PDZRN3: variants seen among roughly 807,000 people sequenced by gnomAD.
PDZRN3 encodes the protein PDZ domain containing ring finger 3.
A neutral mutation model predicts 85.7 loss-of-function variants in PDZRN3; 38 were observed. The ratio of observed to expected loss-of-function variants is 0.44; its 90% CI spans 0.34 to 0.58. The LOEUF (loss-of-function observed/expected upper bound fraction) is 0.58. Among genes scored for constraint, PDZRN3 ranks in the 20% least tolerant of loss-of-function variants. The probability of loss-of-function intolerance (pLI) is 0.01; values close to 1 mark genes in which losing one functional copy is unlikely to be tolerated. For missense variants in PDZRN3, 1,629 were observed against 1,506.4 expected (o/e 1.08, Z -1.35); for synonymous variants, 759 against 638.0 (o/e 1.19, Z -2.86).
At chr3:73,584,104 C>T (rs1217732207) in intron 3 of PDZRN3, among the ~76,000 whole-genome samples, 2 of 151,428 alleles carry the variant, frequency 1.3e-5, no homozygotes, top group African/African-American at 2.4e-5. Flanking sequence ...AGGACATTCC[C>T]TCTGTCTAGT....
At chr3:73,588,244 C>G (rs1164692540) in intron 3 of PDZRN3, among the ~76,000 whole-genome samples, 1 of 152,172 alleles carries the variant, frequency 6.6e-6, no homozygotes, top group African/African-American at 2.4e-5. Flanking sequence ...TCATCCACGT[C>G]CCTGCAAAGG....
intron 3 of PDZRN3, among the ~76,000 whole-genome samples, chr3:73,529,970 C>A (rs558502134): frequency 6.6e-6 from 1 of 152,158 alleles, no homozygotes. Context: ...AGAACAGTAC[C>A]GGGCAAGTGT....
At chr3:73,493,728 C>T (rs1381102217) in intron 3 of PDZRN3, among the ~76,000 whole-genome samples, 1 of 152,168 alleles carries the variant, frequency 6.6e-6, no homozygotes, top group Non-Finnish European at 1.5e-5. Flanking sequence ...GTGCCTCAGG[C>T]CTGGCTAGTC....
chr3:73,610,214 C>G (rs1430015709), intron 1 of PDZRN3, among the ~76,000 whole-genome samples: 2 of 152,154 alleles, frequency 1.3e-5, no homozygotes, highest in East Asian at 3.8e-4. Flanking sequence ...AAGGACAACA[C>G]AGCATTCATT....
chr3:73,617,825 C>A (rs566866887), intron 1 of PDZRN3, among the ~76,000 whole-genome samples: 25 of 152,292 alleles, frequency 1.6e-4, no homozygotes, highest in Admixed American at 1.6e-3. Context: ...CCTGCCTCAG[C>A]CTCCCCAGTA....
Position 73,384,744 on chromosome 3 carries a change from A to G in PDZRN3, c.1822T>C (p.Cys608Arg). The change falls in exon 10 of 10, where the codon TGC (cysteine) becomes CGC (arginine). Residue 608 changes from cysteine (C) to arginine (R), a missense_variant. Physicochemically the swap from Cys to Arg is radical, Grantham distance 180. Transcript: ENST00000263666. ...NPLAGQRKLT[C>R]SQDTLGSGDL... Reference sequence around the variant, plus strand: ...CCGCTGCCCAAGGTGTCCTGGCTGCAGGTGAGCTTCCTCTGCCCCGCCAGC... The same window carrying G: ...CCGCTGCCCAAGGTGTCCTGGCTGCGGGTGAGCTTCCTCTGCCCCGCCAGC... 6.2e-7 allele frequency: 1 copy of G among 1,613,998 alleles called. No homozygotes were observed. The highest frequency in any genetic ancestry group is 8.5e-7 in the Non-Finnish European group (1 of 1,180,032).
intron 3 of PDZRN3, among the ~76,000 whole-genome samples, chr3:73,489,575 C>CTTTTCTTTTTTTTTTT (rs576536883): frequency 5.0e-5 from 4 of 80,098 alleles, no homozygotes; most frequent in African/African-American, 1.9e-4. Context: ...AGTTTCTTTT[C>CTTTTCTTTTTTTTTTT]TTTTTTTTTT....
At chr3:73,449,250 CT>C (rs1355068942) in intron 3 of PDZRN3, among the ~76,000 whole-genome samples, 1 of 152,066 alleles carries the variant, frequency 6.6e-6, no homozygotes, top group Non-Finnish European at 1.5e-5. Flanking sequence ...CTAACTGATC[CT>C]TTAAACTGTC....
chr3:73,542,374 A>G (rs1425271801), intron 3 of PDZRN3, among the ~76,000 whole-genome samples: 1 of 152,196 alleles, frequency 6.6e-6, no homozygotes, highest in Non-Finnish European at 1.5e-5. Context: ...CCAGGCCAAC[A>G]ACATTGTCTC....
intron 3 of PDZRN3, among the ~76,000 whole-genome samples, chr3:73,410,428 G>A (rs2106745192): frequency 6.6e-6 from 1 of 152,318 alleles, no homozygotes; most frequent in African/African-American, 2.4e-5. Context: ...CAGTTTCTAT[G>A]TATGGATGTG....
chr3:73,468,854 G>A (rs1703276189), intron 3 of PDZRN3, among the ~76,000 whole-genome samples: 1 of 152,078 alleles, frequency 6.6e-6, no homozygotes, highest in African/African-American at 2.4e-5. Context: ...TAACCTCAGA[G>A]CCTCAGCTTC....
At chr3:73,489,575 C>CTTTTCTTTTTTTTTTTTTT (rs576536883) in intron 3 of PDZRN3, among the ~76,000 whole-genome samples, 2 of 80,096 alleles carry the variant, frequency 2.5e-5, no homozygotes, top group Non-Finnish European at 4.5e-5. Context: ...AGTTTCTTTT[C>CTTTTCTTTTTTTTTTTTTT]TTTTTTTTTT....
chr3:73,551,779 G>A (rs1701565143), intron 3 of PDZRN3, among the ~76,000 whole-genome samples: 1 of 151,894 alleles, frequency 6.6e-6, no homozygotes, highest in Admixed American at 6.6e-5. Flanking sequence ...TCCTAAAAGT[G>A]CTAAAGGGTC....
chr3:73,593,861 T>C (rs998569617), intron 3 of PDZRN3: 11 of 152,068 alleles, frequency 7.2e-5, no homozygotes, highest in African/African-American at 2.7e-4. Flanking sequence ...GCTCAGAGCA[T>C]TTTTCCCCTG....
In PDZRN3 at chr3:73,602,431, T is replaced by G. The variant is rs552836949; in HGVS notation, c.841A>C (p.Ile281Leu). The G allele has an allele frequency of 1.1e-5, 18 of 1,607,708 alleles. No individual in the cohort carries two copies. The Admixed American group carries it at 2.8e-4, about 25-fold the overall frequency. The change falls in exon 3 of 10, where the codon ATC becomes CTC. Residue 281 changes from isoleucine (I) to leucine (L), a missense_variant. Transcript: ENST00000263666. ...CTGTCAACTATCTTGGATACAAAGA[T>G]TCCTTCACTGGATGATCCATCGTGG... ...DNHDGSSSEG[I>L]FVSKIVDSGP...
At chr3:73,536,413 C>G (rs542174223) in intron 3 of PDZRN3, among the ~76,000 whole-genome samples, 2 of 152,346 alleles carry the variant, frequency 1.3e-5, no homozygotes, top group South Asian at 2.1e-4. Flanking sequence ...AGAGCCCACC[C>G]TGACAACCCA....
intron 3 of PDZRN3, among the ~76,000 whole-genome samples, chr3:73,555,747 TGAAAG>T (rs1437155151): frequency 5.3e-5 from 8 of 152,162 alleles, no homozygotes; most frequent in Admixed American, 1.3e-4. Flanking sequence ...TTTGGAGAGG[TGAAAG>T]GAAAGTCAAT....
chr3:73,427,641 G>A (rs527854551), intron 3 of PDZRN3, among the ~76,000 whole-genome samples: 1 of 152,332 alleles, frequency 6.6e-6, no homozygotes, highest in South Asian at 2.1e-4. Context: ...ACGTGCAGCT[G>A]TATCTGTGGA....
chr3:73,460,506 A>G lies in PDZRN3; in HGVS notation c.919-56111T>C, dbSNP rs191182327. Among the ~76,000 whole-genome samples, 146 of 152,330 alleles carry G rather than the reference A, an allele frequency of 9.6e-4. 2 individuals carry two copies. The highest frequency in any genetic ancestry group is 3.4e-3 in the Middle Eastern group (1 of 294). ...AAATCCTGATTCATCTTGACCATCC[A>G]CTGGAAACGACAGGCTTCTTACAAA... On this transcript the variant is annotated intron_variant, in intron 3 of 9. Transcript: ENST00000263666.
Sources: allele counts gnomAD v4.1 joint callset (sites outside exome capture counted in the v4.1 genomes callset), GRCh38; gene constraint gnomAD v4.1.1; transcripts MANE v1.5; gene names NCBI Gene and HGNC (gene_info 2026-07-23, HGNC 2026-07-21).